Variants in NMU observed in about 807,000 individuals in gnomAD.
The protein encoded by NMU is neuromedin U.
A neutral mutation model predicts 35.4 loss-of-function variants in NMU; 29 were observed. The ratio of observed to expected loss-of-function variants is 0.82; its 90% CI spans 0.61 to 1.12. The LOEUF is 1.12. NMU is among the 50% of genes most tolerant of loss of function. The pLI is 0.00. For missense variants in NMU, 199 were observed against 206.2 expected, an observed-to-expected ratio of 0.97 and a Z score of 0.21; for synonymous variants, 78 against 81.3, an observed-to-expected ratio of 0.96 and a Z score of 0.22.
intron 2 of NMU, among the ~76,000 whole-genome samples, chr4:55,618,696 TCTCTTC>T (rs1171977941): frequency 1.1e-4 from 8 of 73,950 alleles, no homozygotes; most frequent in African/African-American, 2.8e-4. Context: ...CTTTCTTCTC[TCTCTTC>T]TTTCTTTTTC....
intron 9 of NMU, among the ~76,000 whole-genome samples, chr4:55,595,643 A>ATATTTTTT (rs1258986050): frequency 0.015 from 980 of 66,208 alleles, 6 homozygotes; most frequent in Non-Finnish European, 0.022. Context: ...ATATATATAT[A>ATATTTTTT]TTTTTTTTTT....
In NMU at chr4:55,600,589, T is replaced by C. The variant is rs954461492; in HGVS notation, c.436-14A>G. The C allele has an allele frequency of 2.5e-6, 4 of 1,595,072 alleles. No homozygotes were observed. Among genetic ancestry groups the C allele is most frequent in the Non-Finnish European group, 3.4e-6 (4 of 1,163,102 alleles). ...TTGGAATTCTTCCTAGAAGAGAAAA[T>C]GAGGGCATTACAAATCACATAACAC... On this transcript the variant is annotated splice_polypyrimidine_tract_variant and intron_variant, in intron 7 of 9. Transcript: ENST00000264218.
chr4:55,603,851 G>C (rs1210291029), intron 7 of NMU, among the ~76,000 whole-genome samples: 1 of 145,086 alleles, frequency 6.9e-6, no homozygotes, highest in African/African-American at 2.6e-5. Flanking sequence ...GGCGGAGCTT[G>C]CAGTGAGCCG....
intron 7 of NMU, among the ~76,000 whole-genome samples, chr4:55,602,894 CTA>C (rs1301897453): frequency 1.3e-5 from 2 of 152,150 alleles, no homozygotes; most frequent in South Asian, 2.1e-4. Context: ...CACCTAAACT[CTA>C]TGTGTTTTTA....
At chr4:55,613,813 C>T (rs753525884) in intron 3 of NMU, among the ~76,000 whole-genome samples, 1 of 152,122 alleles carries the variant, frequency 6.6e-6, no homozygotes, top group Non-Finnish European at 1.5e-5. Flanking sequence ...CTCAGACTAC[C>T]CTGCTGGACT....
Position 55,636,221 on chromosome 4 carries a change from G to A in NMU, c.-29C>T. The A allele has an allele frequency of 6.9e-7, 1 of 1,446,780 alleles. No individual in the cohort carries two copies. The highest frequency in any genetic ancestry group is 1.4e-5 in the South Asian group (1 of 69,006). 89.6% of individuals were successfully genotyped at this position (1,446,780 alleles called of 1,614,324 possible). ...GGCGGCTGCGGGAGGCTCGGTGCTA[G>A]GGACGCTGCGCTGCGCCACGCGTAG... On this transcript the variant is annotated 5_prime_UTR_variant, in exon 1 of 10. Coordinates refer to ENST00000264218, the MANE Select transcript of NMU (RefSeq NM_006681.4). This position sits in a 1 kb window ranked among gnomAD's most constrained non-coding sequence, Gnocchi z 4.0.
At chr4:55,625,074 C>T (rs1221385440) in intron 2 of NMU, among the ~76,000 whole-genome samples, 1 of 105,876 alleles carries the variant, frequency 9.4e-6, no homozygotes, top group Non-Finnish European at 1.9e-5. Context: ...TGCTAGATGA[C>T]GCGTTAGTGG....
chr4:55,603,641 A>T (rs1327691935), intron 7 of NMU, among the ~76,000 whole-genome samples: 1 of 151,818 alleles, frequency 6.6e-6, no homozygotes, highest in Non-Finnish European at 1.5e-5. Flanking sequence ...GGCCGGGCGC[A>T]GTGGCTCACG....
chr4:55,617,333 C>T (rs924256430), intron 2 of NMU, among the ~76,000 whole-genome samples: 1 of 152,180 alleles, frequency 6.6e-6, no homozygotes, highest in Non-Finnish European at 1.5e-5. Context: ...TAAGATATTA[C>T]AGAAAAAGCA....
intron 2 of NMU, among the ~76,000 whole-genome samples, chr4:55,625,591 C>G (rs1734493653): frequency 6.6e-6 from 1 of 152,076 alleles, no homozygotes; most frequent in Non-Finnish European, 1.5e-5. Flanking sequence ...AAAGGGTACT[C>G]TTCTCAGTTC....
At position 55,630,324 on chromosome 4, in the gene NMU, G is replaced by T. The variant is rs191194411; in HGVS notation, c.171+78C>A. 8.5e-5 allele frequency: 88 copies of T among 1,034,950 alleles called. No homozygotes were observed. The Admixed American group carries it at 1.5e-3, about 18-fold the overall frequency. The allele number at this position is 1,034,950 out of a possible 1,614,324, so 64.1% of individuals were successfully genotyped here. ...TTGGTAAAATCATAGTTCTCCCAAA[G>T]CTCAATTATACATTTTAACATGATA... is the stretch of plus-strand genomic sequence containing the variant. On this transcript the variant is annotated intron_variant, in intron 2 of 9. Coordinates refer to ENST00000264218, the MANE Select transcript of NMU (RefSeq NM_006681.4).
At chr4:55,631,911 C>T (rs939806466) in intron 1 of NMU, among the ~76,000 whole-genome samples, 3 of 152,204 alleles carry the variant, frequency 2.0e-5, no homozygotes, top group African/African-American at 7.2e-5. Context: ...ATGGAAACAA[C>T]CTAAGTGCCT....
chr4:55,607,881 A>T (rs1306800319), intron 4 of NMU, among the ~76,000 whole-genome samples: 6 of 152,188 alleles, frequency 3.9e-5, no homozygotes, highest in Non-Finnish European at 7.3e-5. Flanking sequence ...TTCCATAAAA[A>T]AATTTTTAGC....
chr4:55,613,902 C>T (rs900118105), intron 3 of NMU, among the ~76,000 whole-genome samples: 3 of 152,132 alleles, frequency 2.0e-5, no homozygotes, highest in African/African-American at 7.2e-5. Context: ...TGAAGAAACC[C>T]AGCCACAGAA....
chr4:55,607,365 G>C lies in NMU; in HGVS notation c.310-17C>G, dbSNP rs1733729623. The C allele has an allele frequency of 6.4e-7, 1 of 1,573,956 alleles. No individual in the cohort carries two copies. Among genetic ancestry groups the C allele is most frequent in the African/African-American group, 1.3e-5 (1 of 74,166 alleles). ...AAATAAGAACTGTTTAAAAAAAGCAGTAAGTTTTACTATAAAAATTAATGG... is the reference window on the plus strand; with the variant it reads ...AAATAAGAACTGTTTAAAAAAAGCACTAAGTTTTACTATAAAAATTAATGG... On this transcript the variant is annotated splice_polypyrimidine_tract_variant and intron_variant, in intron 5 of 9. Transcript: ENST00000264218.
chr4:55,636,215 G>T lies in NMU; in HGVS notation c.-23C>A, dbSNP rs746473404. ...CATCTCGGCGGCTGCGGGAGGCTCG[G>T]TGCTAGGGACGCTGCGCTGCGCCAC... On this transcript the variant is annotated 5_prime_UTR_variant, in exon 1 of 10. Transcript: ENST00000264218. The surrounding 1 kb of genome is among the most constrained non-coding windows in gnomAD (Gnocchi z 4.0). The T allele has an allele frequency of 1.1e-5, 16 of 1,453,724 alleles. No homozygotes were observed. The highest frequency in any genetic ancestry group is 1.4e-5 in the Non-Finnish European group (16 of 1,113,564). 90.1% of individuals were successfully genotyped at this position (1,453,724 alleles called of 1,614,324 possible). A position where few individuals can be genotyped will look rare whatever the true frequency, so the allele number is the denominator to read the frequency against.
chr4:55,612,274 C>T (rs1040699732), intron 3 of NMU, among the ~76,000 whole-genome samples: 4 of 152,166 alleles, frequency 2.6e-5, no homozygotes, highest in Admixed American at 6.6e-5. Context: ...GTGGCATGCT[C>T]CTGTAGTCCC....
At chr4:55,630,930 T>C (rs560899014) in intron 1 of NMU, among the ~76,000 whole-genome samples, 2 of 152,334 alleles carry the variant, frequency 1.3e-5, no homozygotes, top group Non-Finnish European at 1.5e-5. Context: ...CTTCAAATTA[T>C]ACTATAAGCC....
At chr4:55,600,863 T>G (rs1733399681) in intron 7 of NMU, among the ~76,000 whole-genome samples, 1 of 152,132 alleles carries the variant, frequency 6.6e-6, no homozygotes, top group Non-Finnish European at 1.5e-5. Context: ...GAAAGAGAAA[T>G]GACAGACATT....
Sources: gnomAD v4.1 joint callset for allele counts (sites outside exome capture counted in the v4.1 genomes callset) on GRCh38, gnomAD v4.1.1 for gene constraint, Gnocchi (gnomAD v3.1) non-coding constraint, MANE v1.5 for transcripts, NCBI Gene and HGNC (gene_info 2026-07-23, HGNC 2026-07-21) for gene names.